Variants in PBX1 observed in about 807,000 individuals in gnomAD.
PBX1 encodes the protein pre-B-cell leukemia transcription factor 1.
In PBX1, 6 loss-of-function variants were observed where a neutral mutation model predicts 53.4. That is an observed-to-expected ratio of 0.11 (90% CI 0.06 to 0.22). The LOEUF (loss-of-function observed/expected upper bound fraction) is 0.22, where lower values mean the gene tolerates loss of function less well. PBX1 is among the 10% of genes least tolerant of loss of function. The pLI is 1.00. For synonymous variants in PBX1, 204 were observed against 212.3 expected, an observed-to-expected ratio of 0.96 and a Z score of 0.34; for missense variants, 251 against 551.4, an observed-to-expected ratio of 0.46 and a Z score of 5.46.
intron 2 of PBX1, among the ~76,000 whole-genome samples, chr1:164,874,835 TCTTA>T (rs1195183080): frequency 5.9e-5 from 9 of 152,144 alleles, no homozygotes; most frequent in African/African-American, 2.2e-4. Context: ...CTCACAATCA[TCTTA>T]CTATTGCATG....
At chr1:164,846,134 T>C (rs540256959) in intron 8 of PBX1, among the ~76,000 whole-genome samples, 23 of 152,170 alleles carry the variant, frequency 1.5e-4, no homozygotes, top group African/African-American at 4.6e-4. Context: ...ACATGGGACA[T>C]CCAGAGTCAG....
At chr1:164,689,119 C>T (rs1011192938) in intron 2 of PBX1, among the ~76,000 whole-genome samples, 1 of 152,190 alleles carries the variant, frequency 6.6e-6, no homozygotes, top group African/African-American at 2.4e-5. Context: ...AATTAATGTC[C>T]CCTCATTGCT....
At chr1:164,773,541 T>C (rs1667491682) in intron 2 of PBX1, among the ~76,000 whole-genome samples, 1 of 152,216 alleles carries the variant, frequency 6.6e-6, no homozygotes, top group African/African-American at 2.4e-5. Flanking sequence ...AGATCACTGC[T>C]TTCAGGCTTC....
Position 164,799,717 on chromosome 1 carries a change from A to T in PBX1, c.529A>T (p.Thr177Ser). The change falls in exon 4 of 9, where the codon ACC becomes TCC. Residue 177 changes from threonine to serine, a missense_variant. Physicochemically the swap from Thr to Ser is moderately conservative, Grantham distance 58. Coordinates refer to ENST00000420696, the MANE Select transcript of PBX1 (RefSeq NM_002585.4). ...ATTCCAGGCCTGCAACGAGTTCACC[A>T]CCCACGTGATGAATCTCCTGCGAGA... ...KYEQACNEFT[T>S]HVMNLLREQS... is the part of the protein sequence containing the mutation. The T allele has an allele frequency of 1.2e-6, 2 of 1,613,196 alleles. No homozygotes were observed. Among genetic ancestry groups the T allele is most frequent in the Non-Finnish European group, 1.7e-6 (2 of 1,179,310 alleles).
At chr1:164,583,277 A>T (rs1221947568) in intron 2 of PBX1, among the ~76,000 whole-genome samples, 1 of 144,510 alleles carries the variant, frequency 6.9e-6, no homozygotes, top group East Asian at 3.8e-4. Flanking sequence ...AAGCCAAGAG[A>T]GGCGGGAAAA....
intron 2 of PBX1, among the ~76,000 whole-genome samples, chr1:164,787,090 C>G (rs952446041): frequency 3.9e-5 from 6 of 152,140 alleles, no homozygotes; most frequent in Non-Finnish European, 7.3e-5. Flanking sequence ...GAGCTGGTCT[C>G]TCTTTTCTAA....
At chr1:164,857,274 T>G (rs891984794) in intron 2 of PBX1, among the ~76,000 whole-genome samples, 8 of 152,172 alleles carry the variant, frequency 5.3e-5, no homozygotes, top group African/African-American at 1.9e-4. Context: ...TTGCTTCCAT[T>G]TAGCAGTTTA....
chr1:164,705,499 G>A (rs1014561343), intron 2 of PBX1, among the ~76,000 whole-genome samples: 1 of 152,226 alleles, frequency 6.6e-6, no homozygotes. Context: ...CTATGTGGAA[G>A]GAGATGCCTT....
At chr1:164,581,107 G>A (rs1291217502) in intron 2 of PBX1, among the ~76,000 whole-genome samples, 1 of 152,234 alleles carries the variant, frequency 6.6e-6, no homozygotes, top group East Asian at 1.9e-4. Context: ...TAGGCCCTGG[G>A]CCCTCCAGTG....
At chr1:164,732,558 G>A (rs1007818117) in intron 2 of PBX1, among the ~76,000 whole-genome samples, 4 of 151,930 alleles carry the variant, frequency 2.6e-5, no homozygotes, top group Non-Finnish European at 5.9e-5. Flanking sequence ...GTATCTATTA[G>A]GTTGGTGCAA....
At chr1:164,796,761 GC>G (rs995834773) in intron 3 of PBX1, among the ~76,000 whole-genome samples, 2 of 152,174 alleles carry the variant, frequency 1.3e-5, no homozygotes, top group Non-Finnish European at 2.9e-5. Flanking sequence ...TATGGAGGCA[GC>G]CTGAGCTCCC....
Position 164,721,195 on chromosome 1 carries a change from G to A in PBX1, c.266-71299G>A, listed in dbSNP as rs1267971249. Among the ~76,000 whole-genome samples the A allele has an allele frequency of 1.2e-4, 18 of 152,324 alleles. No individual in the cohort carries two copies. The South Asian group carries it at 1.7e-3, about 14-fold the overall frequency. Reference sequence around the variant, plus strand: ...TGCCTCTTGGCATCATCATGCAGGGGGCTTTTTCTAGTCATGCTTTGTGGT... The same window carrying A: ...TGCCTCTTGGCATCATCATGCAGGGAGCTTTTTCTAGTCATGCTTTGTGGT... On this transcript the variant is annotated intron_variant, in intron 2 of 8. Transcript: ENST00000420696.
At chr1:164,757,700 C>CTAT (rs1314416827) in intron 2 of PBX1, among the ~76,000 whole-genome samples, 1 of 151,994 alleles carries the variant, frequency 6.6e-6, no homozygotes, top group South Asian at 2.1e-4. Flanking sequence ...CTAATTTCAG[C>CTAT]TATTATTATT....
chr1:164,646,680 G>T (rs1356283297), intron 2 of PBX1, among the ~76,000 whole-genome samples: 2 of 152,218 alleles, frequency 1.3e-5, no homozygotes, highest in East Asian at 3.9e-4. Context: ...TGCTCGTTGA[G>T]AGGAGAGAGT....
rs1046091602 is a variant in PBX1 at position 164,559,331 on chromosome 1, G to T, written c.-492G>T. On this transcript the variant is annotated 5_prime_UTR_variant, in exon 1 of 9. Transcript: ENST00000420696. ...TTGAGATCACTCTGGCCCGGAGTGG[G>T]GGTGGGGGGCAGCGGGGGGTGGGGG... 4.9e-5 allele frequency: 10 copies of T among 203,018 alleles called. No homozygotes were observed. The highest frequency in any genetic ancestry group is 8.1e-5 in the Non-Finnish European group (8 of 99,016). 12.6% of individuals were successfully genotyped at this position (203,018 alleles called of 1,614,324 possible).
chr1:164,748,999 C>G (rs768638726), intron 2 of PBX1, among the ~76,000 whole-genome samples: 1 of 152,114 alleles, frequency 6.6e-6, no homozygotes, highest in Non-Finnish European at 1.5e-5. Context: ...CTAGACCTCA[C>G]TCCTGGTTGG....
At chr1:164,629,597 A>G (rs1201093658) in intron 2 of PBX1, among the ~76,000 whole-genome samples, 1 of 152,210 alleles carries the variant, frequency 6.6e-6, no homozygotes, top group Non-Finnish European at 1.5e-5. Context: ...GATGGGATGA[A>G]AACCCACATC....
intron 4 of PBX1, among the ~76,000 whole-genome samples, chr1:164,801,680 C>T (rs566113025): frequency 5.3e-5 from 8 of 152,294 alleles, no homozygotes; most frequent in South Asian, 2.1e-4. Context: ...TGGCACCAGA[C>T]GGACAATCAC....
chr1:164,567,610 G>A (rs1189874958), intron 2 of PBX1, among the ~76,000 whole-genome samples: 2 of 152,098 alleles, frequency 1.3e-5, no homozygotes, highest in Non-Finnish European at 1.5e-5. Context: ...GATATAAGCC[G>A]TAGACCTACA....
Sources: gnomAD v4.1 joint callset for allele counts (sites outside exome capture counted in the v4.1 genomes callset) on GRCh38, gnomAD v4.1.1 for gene constraint, MANE v1.5 for transcripts, NCBI Gene and HGNC (gene_info 2026-07-23, HGNC 2026-07-21) for gene names.